Variants in HDAC4 observed in about 807,000 individuals in gnomAD.
HDAC4 encodes the protein histone deacetylase 4.
HDAC4 carries 16 observed loss-of-function variants against 135.1 expected under a neutral mutation model. That is an observed-to-expected ratio of 0.12 (90% CI 0.08 to 0.18). The LOEUF (loss-of-function observed/expected upper bound fraction) is 0.18, where lower values mean the gene tolerates loss of function less well. Ranked by LOEUF, HDAC4 falls within the 10% of genes least tolerant of loss-of-function variation. The pLI is 1.00. For missense variants in HDAC4, 1,143 were observed against 1,511.8 expected (o/e 0.76, Z 4.05); for synonymous variants, 685 against 653.4 (o/e 1.05, Z -0.74).
intron 2 of HDAC4, among the ~76,000 whole-genome samples, chr2:239,269,211 A>G (rs111516434): frequency 0.017 from 2,625 of 151,376 alleles, 71 homozygotes; most frequent in African/African-American, 0.061. Flanking sequence ...ACACACCCAC[A>G]CACATTCACA....
intron 3 of HDAC4, among the ~76,000 whole-genome samples, chr2:239,201,773 C>T (rs1270556070): frequency 6.6e-6 from 1 of 152,230 alleles, no homozygotes; most frequent in Non-Finnish European, 1.5e-5. Context: ...ATTTTCACTG[C>T]TAAAAATAAA....
chr2:239,072,235 T>C (rs930188580), intron 22 of HDAC4, among the ~76,000 whole-genome samples: 8 of 152,248 alleles, frequency 5.3e-5, no homozygotes, highest in Non-Finnish European at 1.0e-4. Context: ...TGTCCAGATA[T>C]AACACGTTAG....
intron 1 of HDAC4, among the ~76,000 whole-genome samples, chr2:239,360,532 T>C (rs1469382983): frequency 6.6e-6 from 1 of 152,258 alleles, no homozygotes. Context: ...GATGAGCACC[T>C]GCCCCGTGCC....
chr2:239,172,294 ATAT>A (rs370017147), intron 5 of HDAC4, among the ~76,000 whole-genome samples: 87,778 of 136,518 alleles, frequency 0.64, 28,557 homozygotes, highest in South Asian at 0.84. Flanking sequence ...GTGAAAAAAA[ATAT>A]ATATATATAT....
At chr2:239,221,225 G>C (rs1181937244) in intron 3 of HDAC4, among the ~76,000 whole-genome samples, 1 of 152,152 alleles carries the variant, frequency 6.6e-6, no homozygotes, top group Non-Finnish European at 1.5e-5. Flanking sequence ...GGATGGAGCG[G>C]ACATCGGCCC....
chr2:239,117,333 G>A (rs963279683), intron 12 of HDAC4, among the ~76,000 whole-genome samples: 3 of 152,140 alleles, frequency 2.0e-5, no homozygotes, highest in East Asian at 3.9e-4. Flanking sequence ...CCAGCCCCAC[G>A]TCTGGCTAAG....
At chr2:239,280,786 ATG>A in intron 2 of HDAC4, among the ~76,000 whole-genome samples, 1 of 151,420 alleles carries the variant, frequency 6.6e-6, no homozygotes, top group East Asian at 1.9e-4. Flanking sequence ...CCACTCTACA[ATG>A]AACACACCAC....
rs1057270827 is a variant in HDAC4 at position 239,049,513 on chromosome 2, C to T, written c.*3584G>A. On this transcript the variant is annotated 3_prime_UTR_variant, in exon 27 of 27. Coordinates refer to ENST00000543185, the MANE Select transcript of HDAC4 (RefSeq NM_001378414.1). ...TATATATGTATCAATGCCCATAAAA[C>T]ACGTGGGCCCAAAGTCTACAAAAAG... 1 of 152,080 alleles carries T rather than the reference C, an allele frequency of 6.6e-6. No individual in the cohort carries two copies. Among genetic ancestry groups the T allele is most frequent in the Non-Finnish European group, 1.5e-5 (1 of 67,996 alleles). The allele number at this position is 152,080 out of a possible 1,614,324, so 9.4% of individuals were successfully genotyped here. A position where few individuals can be genotyped will look rare whatever the true frequency, so the allele number is the denominator to read the frequency against.
At chr2:239,083,034 A>G (rs888877741) in intron 20 of HDAC4, among the ~76,000 whole-genome samples, 1 of 152,256 alleles carries the variant, frequency 6.6e-6, no homozygotes, top group Non-Finnish European at 1.5e-5. Flanking sequence ...GCTACAGGTG[A>G]GGAGCGATGG....
At chr2:239,244,472 A>G (rs1017374052) in intron 2 of HDAC4, among the ~76,000 whole-genome samples, 3 of 152,062 alleles carry the variant, frequency 2.0e-5, no homozygotes, top group African/African-American at 7.2e-5. Context: ...TCAATGTGGA[A>G]TGAAGTGGGT....
rs147289954 is a variant in HDAC4, at chr2:239,184,019, GAC to G, written c.339+5812_339+5813del. Among the ~76,000 whole-genome samples, 65 of 123,988 alleles carry G rather than the reference GAC, an allele frequency of 5.2e-4. 1 individual carries two copies. In the South Asian group the frequency reaches 5.9e-3, roughly 11 times the overall value. The allele number at this position is 123,988 out of a possible 152,430, so 81.3% of individuals were successfully genotyped here. On this transcript the variant is annotated intron_variant, in intron 4 of 26. Transcript: ENST00000543185. ...TGCTCTCCATAGCACAAGTCACATG[GAC>G]ACACACACACACACAAGCACACGAA...
Position 239,280,960 on chromosome 2 carries a change from A to C in HDAC4, c.23-44296T>G, listed in dbSNP as rs1183476426. 3.5e-4 allele frequency among the ~76,000 whole-genome samples: 46 copies of C among 133,052 alleles called. 2 individuals are homozygous for C. The highest frequency in any genetic ancestry group is 2.8e-4 in the Non-Finnish European group (17 of 59,708). 87.3% of individuals were successfully genotyped at this position (133,052 alleles called of 152,430 possible). On this transcript the variant is annotated intron_variant, in intron 2 of 26. Coordinates refer to ENST00000543185, the MANE Select transcript of HDAC4 (RefSeq NM_001378414.1). Reference sequence around the variant, plus strand: ...GTACACACCACTCTACAATGTACACACCACTCTACAATGAACACACCACTC... The same window carrying C: ...GTACACACCACTCTACAATGTACACCCCACTCTACAATGAACACACCACTC...
chr2:239,160,659 C>T (rs762832546), intron 6 of HDAC4, among the ~76,000 whole-genome samples: 26 of 152,242 alleles, frequency 1.7e-4, no homozygotes, highest in Non-Finnish European at 2.2e-4. Context: ...CTTGTCACTG[C>T]GGAGTAGCAG....
chr2:239,186,762 G>A, intron 4 of HDAC4: 1 of 152,320 alleles, frequency 6.6e-6, no homozygotes, highest in East Asian at 1.9e-4. Flanking sequence ...AGAGGCAGAG[G>A]GGTTCTGGAG....
rs191488161 is a variant in HDAC4, at chr2:239,184,989, T to C, written c.339+4844A>G. ...GGGGGGGGTCCCTTGGTGTCTATCATGGAGGGCTATCCCTCAGTGTCTGCC... is the reference window on the plus strand; with the variant it reads ...GGGGGGGGTCCCTTGGTGTCTATCACGGAGGGCTATCCCTCAGTGTCTGCC... On this transcript the variant is annotated intron_variant, in intron 4 of 26. Transcript: ENST00000543185. Among the ~76,000 whole-genome samples the C allele has an allele frequency of 5.6e-3, 781 of 140,460 alleles. 4 individuals are homozygous for C. Among genetic ancestry groups the C allele is most frequent in the Non-Finnish European group, 9.6e-3 (626 of 64,876 alleles). 92.1% of individuals were successfully genotyped at this position (140,460 alleles called of 152,430 possible).
intron 11 of HDAC4, among the ~76,000 whole-genome samples, chr2:239,132,260 G>C (rs1053166447): frequency 6.6e-6 from 1 of 152,244 alleles, no homozygotes; most frequent in African/African-American, 2.4e-5. Context: ...AAGGCACACA[G>C]AGCATAAGCG....
chr2:239,171,312 A>G (rs1247115011), intron 5 of HDAC4, among the ~76,000 whole-genome samples: 1 of 152,232 alleles, frequency 6.6e-6, no homozygotes, highest in Non-Finnish European at 1.5e-5. Flanking sequence ...AAAACTATGA[A>G]AAAGGGCCAA....
At position 239,052,032 on chromosome 2, in the gene HDAC4, C is replaced by A. The variant is rs1306848533; in HGVS notation, c.*1065G>T. 3 of 152,530 alleles carry A rather than the reference C, an allele frequency of 2.0e-5. No individual in the cohort carries two copies. The highest frequency in any genetic ancestry group is 7.2e-5 in the African/African-American group (3 of 41,410). The allele number at this position is 152,530 out of a possible 1,614,324, so 9.4% of individuals were successfully genotyped here. On this transcript the variant is annotated 3_prime_UTR_variant, in exon 27 of 27. Transcript: ENST00000543185. Reference sequence around the variant, plus strand: ...TGCTTTTAATAAAAAGCATTCCGATCGTAACACTGCAAGTGTGCCTACCAC... The same window carrying A: ...TGCTTTTAATAAAAAGCATTCCGATAGTAACACTGCAAGTGTGCCTACCAC...
At chr2:239,281,009 T>TACACA (rs202231965) in intron 2 of HDAC4, among the ~76,000 whole-genome samples, 2 of 124,830 alleles carry the variant, frequency 1.6e-5, no homozygotes, top group African/African-American at 3.2e-5. Context: ...CACACCACTC[T>TACACA]CAATGTACAC....
Sources: gnomAD v4.1 joint callset for allele counts (sites outside exome capture counted in the v4.1 genomes callset) on GRCh38, gnomAD v4.1.1 for gene constraint, MANE v1.5 for transcripts, NCBI Gene and HGNC (gene_info 2026-07-23, HGNC 2026-07-21) for gene names.